CNTNAP5: variants seen among roughly 807,000 people sequenced by gnomAD.
The protein encoded by CNTNAP5 is contactin-associated protein-like 5.
A neutral mutation model predicts 150.2 loss-of-function variants in CNTNAP5; 72 were observed. That is an observed-to-expected ratio of 0.48 (90% CI 0.40 to 0.58). CNTNAP5 has a LOEUF of 0.58. Among genes scored for constraint, CNTNAP5 ranks in the 20% least tolerant of loss-of-function variants. The pLI, the probability that CNTNAP5 is intolerant of heterozygous loss-of-function variation, is 0.00. For synonymous variants in CNTNAP5, 672 were observed against 619.8 expected (o/e 1.08, Z -1.25); for missense variants, 1,636 against 1,626.2 (o/e 1.01, Z -0.10).
chr2:124,387,497 T>G (rs936366172), intron 3 of CNTNAP5, among the ~76,000 whole-genome samples: 1 of 152,160 alleles, frequency 6.6e-6, no homozygotes, highest in Non-Finnish European at 1.5e-5. Context: ...TTAGTTCTTA[T>G]AGGTTTTGGG....
chr2:124,884,241 A>G lies in CNTNAP5; in HGVS notation c.3436+14479A>G, dbSNP rs550208605. On this transcript the variant is annotated intron_variant, in intron 21 of 23. Transcript: ENST00000682447. Reference sequence around the variant, plus strand: ...TGCATGCATATGTATGTGTGCATTCATGTTTCTCTCTGTGTGTATGTGTAT... The same window carrying G: ...TGCATGCATATGTATGTGTGCATTCGTGTTTCTCTCTGTGTGTATGTGTAT... Among the ~76,000 whole-genome samples the G allele has an allele frequency of 1.8e-4, 28 of 151,716 alleles. No individual in the cohort carries two copies. The South Asian group carries it at 5.6e-3, about 30-fold the overall frequency.
At position 124,854,495 on chromosome 2, in the gene CNTNAP5, G is replaced by A. The variant is rs187244677; in HGVS notation, c.3218-10811G>A. 6.4e-4 allele frequency among the ~76,000 whole-genome samples: 98 copies of A among 152,330 alleles called. 2 individuals are homozygous for A. Among genetic ancestry groups the A allele is most frequent in the Non-Finnish European group, 1.0e-4 (7 of 68,022 alleles). ...CAGAGTAGGCACATCAGATCAGCCA[G>A]TGTGACTGTTGCTTTTGTCTCCTTC... On this transcript the variant is annotated intron_variant, in intron 19 of 23. Coordinates refer to ENST00000682447, the MANE Select transcript of CNTNAP5 (RefSeq NM_001367498.1).
At chr2:124,088,234 T>C (rs1376077406) in intron 1 of CNTNAP5, among the ~76,000 whole-genome samples, 2 of 152,184 alleles carry the variant, frequency 1.3e-5, no homozygotes, top group African/African-American at 4.8e-5. Flanking sequence ...AAGCCTGTCC[T>C]CTGAGGATTT....
chr2:124,501,840 T>C (rs1694285704), intron 7 of CNTNAP5, among the ~76,000 whole-genome samples: 2 of 152,206 alleles, frequency 1.3e-5, no homozygotes, highest in Middle Eastern at 3.4e-3. Flanking sequence ...AGATTCTGTG[T>C]AGAAGGAATT....
rs1678656117 is a variant in CNTNAP5 at position 124,911,544 on chromosome 2, C to T, written c.3727+6C>T. The T allele has an allele frequency of 1.3e-6, 2 of 1,586,266 alleles. No individual in the cohort carries two copies. The highest frequency in any genetic ancestry group is 1.7e-6 in the Non-Finnish European group (2 of 1,163,630). On this transcript the variant is annotated splice_donor_region_variant and intron_variant, in intron 23 of 23. Coordinates refer to ENST00000682447, the MANE Select transcript of CNTNAP5 (RefSeq NM_001367498.1). ...TGATTCGGCAGTCATCGGAGGTAAA[C>T]AATTCATTGTTGTTGAATGCAAAAA...
At chr2:124,197,869 T>TA (rs1397382832) in intron 1 of CNTNAP5, among the ~76,000 whole-genome samples, 2 of 151,692 alleles carry the variant, frequency 1.3e-5, no homozygotes, top group African/African-American at 4.8e-5. Flanking sequence ...TAGTCCCAGC[T>TA]ACTCAGGAGG....
chr2:124,486,394 C>A (rs1693881562), intron 7 of CNTNAP5, among the ~76,000 whole-genome samples: 1 of 152,128 alleles, frequency 6.6e-6, no homozygotes, highest in African/African-American at 2.4e-5. Flanking sequence ...TCAGAAATCA[C>A]CACTAAAGAA....
chr2:124,293,547 C>T (rs1384773401), intron 3 of CNTNAP5, among the ~76,000 whole-genome samples: 1 of 151,920 alleles, frequency 6.6e-6, no homozygotes, highest in Non-Finnish European at 1.5e-5. Flanking sequence ...ACATAATGTT[C>T]AGCAAATTAT....
chr2:124,188,537 G>A (rs1247188709), intron 1 of CNTNAP5, among the ~76,000 whole-genome samples: 1 of 151,948 alleles, frequency 6.6e-6, no homozygotes, highest in Non-Finnish European at 1.5e-5. Flanking sequence ...GGTGAACATG[G>A]AGAAACCCCG....
intron 21 of CNTNAP5, among the ~76,000 whole-genome samples, chr2:124,897,340 G>A (rs1196856215): frequency 1.3e-5 from 2 of 151,426 alleles, no homozygotes; most frequent in African/African-American, 4.9e-5. Flanking sequence ...AATCTTTGCT[G>A]GTCTGCTAAA....
At chr2:124,515,053 A>G (rs1041756077) in intron 8 of CNTNAP5, among the ~76,000 whole-genome samples, 2 of 152,220 alleles carry the variant, frequency 1.3e-5, no homozygotes, top group African/African-American at 4.8e-5. Context: ...GCGGATGGCA[A>G]AGCCAGATGT....
chr2:124,393,704 G>A (rs1480268625), intron 3 of CNTNAP5, among the ~76,000 whole-genome samples: 1 of 152,190 alleles, frequency 6.6e-6, no homozygotes, highest in African/African-American at 2.4e-5. Flanking sequence ...CAAACTTACT[G>A]TAGGGGGCTA....
At chr2:124,434,828 T>A in intron 5 of CNTNAP5, 141 bp downstream of exon 5, 1 of 704,096 alleles carries the variant, frequency 1.4e-6, no homozygotes, top group Non-Finnish European at 2.4e-6. Flanking sequence ...TAGAAATGTT[T>A]AAGGCATGTA....
chr2:124,050,709 G>C (rs990845250), intron 1 of CNTNAP5, among the ~76,000 whole-genome samples: 4 of 152,104 alleles, frequency 2.6e-5, no homozygotes, highest in African/African-American at 7.2e-5. Context: ...TGGGCACCTG[G>C]TTCCTCTAGG....
chr2:124,626,514 C>T, intron 12 of CNTNAP5, among the ~76,000 whole-genome samples: 1 of 152,102 alleles, frequency 6.6e-6, no homozygotes, highest in Non-Finnish European at 1.5e-5. Flanking sequence ...TGGTGAGGGA[C>T]TGTGCTACCT....
At chr2:124,064,578 A>G (rs1315550374) in intron 1 of CNTNAP5, among the ~76,000 whole-genome samples, 2 of 152,052 alleles carry the variant, frequency 1.3e-5, no homozygotes, top group African/African-American at 4.8e-5. Flanking sequence ...ATTCTCTATC[A>G]TGCGAATCTT....
intron 13 of CNTNAP5, among the ~76,000 whole-genome samples, chr2:124,698,189 G>C (rs1368251375): frequency 1.3e-5 from 2 of 152,090 alleles, no homozygotes; most frequent in African/African-American, 4.8e-5. Context: ...GTTTGAGGTG[G>C]ACTAGACTGG....
At position 124,573,500 on chromosome 2, in the gene CNTNAP5, C is replaced by G. The variant is rs150739277; in HGVS notation, c.1756+10177C>G. Among the ~76,000 whole-genome samples the G allele has an allele frequency of 3.0e-3, 455 of 152,256 alleles. 1 individual carries two copies. Among genetic ancestry groups the G allele is most frequent in the African/African-American group, 0.01 (433 of 41,550 alleles). Reference sequence around the variant, plus strand: ...TAGCTTTGTTCCAAACCCCTACAAGCAACAAAAGATTCCAAAATGTAAGTG... The same window carrying G: ...TAGCTTTGTTCCAAACCCCTACAAGGAACAAAAGATTCCAAAATGTAAGTG... On this transcript the variant is annotated intron_variant, in intron 11 of 23. Transcript: ENST00000682447.
At position 124,779,843 on chromosome 2, in the gene CNTNAP5, G is replaced by A. The variant is rs137935591; in HGVS notation, c.2752+6826G>A. On this transcript the variant is annotated intron_variant, in intron 17 of 23. Transcript: ENST00000682447. ...TCTCCTCTCAAGGGAGTCTATCCTG[G>A]TACACCCCCCTATCTCTGTGAGCAC... Among the ~76,000 whole-genome samples, 596 of 152,154 alleles carry A rather than the reference G, an allele frequency of 3.9e-3. 6 individuals carry two copies. The highest frequency in any genetic ancestry group is 3.8e-3 in the Non-Finnish European group (257 of 68,006).
Sources: gnomAD v4.1 joint callset for allele counts (sites outside exome capture counted in the v4.1 genomes callset) on GRCh38, gnomAD v4.1.1 for gene constraint, MANE v1.5 for transcripts, NCBI Gene and HGNC (gene_info 2026-07-23, HGNC 2026-07-21) for gene names.